PKNOX2: variants seen among roughly 807,000 people sequenced by gnomAD.
The protein encoded by PKNOX2 is homeobox protein PKNOX2.
A neutral mutation model predicts 53.1 loss-of-function variants in PKNOX2; 14 were observed. The ratio of observed to expected loss-of-function variants is 0.26; its 90% CI spans 0.17 to 0.41. The LOEUF is 0.41. Ranked by LOEUF, PKNOX2 falls within the 10% of genes least tolerant of loss-of-function variation. PKNOX2 has a pLI of 1.00. For missense variants in PKNOX2, 496 were observed against 602.8 expected (o/e 0.82, Z 1.85); for synonymous variants, 257 against 242.8 (o/e 1.06, Z -0.54).
intron 6 of PKNOX2, among the ~76,000 whole-genome samples, chr11:125,389,708 C>A (rs1735084262): frequency 6.6e-6 from 1 of 152,172 alleles, no homozygotes; most frequent in Admixed American, 6.5e-5. Flanking sequence ...TTTACGGGCC[C>A]CCGGTGCAGG....
At chr11:125,419,463 AAAAC>A (rs1368691499) in intron 10 of PKNOX2, among the ~76,000 whole-genome samples, 1 of 151,744 alleles carries the variant, frequency 6.6e-6, no homozygotes, top group East Asian at 1.9e-4. Context: ...AAAAAAAAAA[AAAAC>A]AAGAAAATGG....
intron 10 of PKNOX2, among the ~76,000 whole-genome samples, chr11:125,415,843 G>C (rs544125860): frequency 4.6e-5 from 7 of 152,252 alleles, no homozygotes; most frequent in Non-Finnish European, 2.9e-5. Context: ...GTTTAAAAAA[G>C]AAACAACCAT....
chr11:125,394,965 T>G (rs753517940), intron 6 of PKNOX2, among the ~76,000 whole-genome samples: 5 of 151,930 alleles, frequency 3.3e-5, no homozygotes, highest in Non-Finnish European at 7.4e-5. Context: ...CCCTCGTGTG[T>G]GTGTGTGTGT....
intron 3 of PKNOX2, among the ~76,000 whole-genome samples, chr11:125,337,740 C>T (rs1950499864): frequency 7.0e-6 from 1 of 141,878 alleles, no homozygotes; most frequent in African/African-American, 3.1e-5. Context: ...CGTCTGTTTT[C>T]TCCTTCTGGG....
chr11:125,424,507 G>T (rs186830481), intron 10 of PKNOX2, among the ~76,000 whole-genome samples: 2 of 152,270 alleles, frequency 1.3e-5, no homozygotes, highest in Admixed American at 6.5e-5. Flanking sequence ...ACCCCAGAGT[G>T]GTGGCTGGCA....
At chr11:125,367,051 TAG>T (rs1952226469) in intron 4 of PKNOX2, among the ~76,000 whole-genome samples, 1 of 152,166 alleles carries the variant, frequency 6.6e-6, no homozygotes, top group African/African-American at 2.4e-5. Context: ...TTCACACTTT[TAG>T]AGATTTCTTT....
At chr11:125,303,951 G>A (rs761212570) in intron 2 of PKNOX2, among the ~76,000 whole-genome samples, 4 of 152,212 alleles carry the variant, frequency 2.6e-5, no homozygotes, top group Non-Finnish European at 5.9e-5. Flanking sequence ...TAGATGCATG[G>A]CCGGCCTGAG....
At chr11:125,397,000 C>T (rs932292104) in intron 6 of PKNOX2, among the ~76,000 whole-genome samples, 3 of 152,106 alleles carry the variant, frequency 2.0e-5, no homozygotes, top group South Asian at 2.1e-4. Context: ...TTCTTTAAGG[C>T]GATTGGATCG....
chr11:125,376,201 G>C (rs1565510300), intron 5 of PKNOX2, among the ~76,000 whole-genome samples: 1 of 152,206 alleles, frequency 6.6e-6, no homozygotes, highest in African/African-American at 2.4e-5. Context: ...GGGGAGGAGA[G>C]CTGGGCTGGA....
intron 4 of PKNOX2, among the ~76,000 whole-genome samples, chr11:125,355,982 C>A (rs1464970019): frequency 6.6e-6 from 1 of 151,732 alleles, no homozygotes; most frequent in East Asian, 1.9e-4. Context: ...AAGGCAACCA[C>A]TTCACTCCCC....
chr11:125,316,300 T>A (rs1949188814), intron 2 of PKNOX2, among the ~76,000 whole-genome samples: 1 of 152,302 alleles, frequency 6.6e-6, no homozygotes, highest in South Asian at 2.1e-4. Context: ...CTGTGTGAAC[T>A]CTCTTATGTG....
At chr11:125,397,619 C>T (rs1954488840) in intron 6 of PKNOX2, among the ~76,000 whole-genome samples, 1 of 152,206 alleles carries the variant, frequency 6.6e-6, no homozygotes, top group Non-Finnish European at 1.5e-5. Flanking sequence ...CCACAACTGC[C>T]TCAAGAACAG....
intron 5 of PKNOX2, among the ~76,000 whole-genome samples, chr11:125,378,471 C>G (rs985213826): frequency 6.6e-6 from 1 of 152,220 alleles, no homozygotes; most frequent in Non-Finnish European, 1.5e-5. Context: ...CTCCCCTGTC[C>G]CCATTGGAAG....
chr11:125,342,379 C>T (rs761725518), intron 3 of PKNOX2, among the ~76,000 whole-genome samples: 10 of 152,128 alleles, frequency 6.6e-5, no homozygotes, highest in African/African-American at 7.2e-5. Context: ...GCCCCTGCTC[C>T]GGCCACCCTA....
At chr11:125,232,136 G>C (rs1942260785) in intron 1 of PKNOX2, among the ~76,000 whole-genome samples, 1 of 152,192 alleles carries the variant, frequency 6.6e-6, no homozygotes, top group Non-Finnish European at 1.5e-5. Flanking sequence ...ATCCTCTAGA[G>C]CAACACAGTC....
intron 2 of PKNOX2, among the ~76,000 whole-genome samples, chr11:125,295,662 G>A (rs945496460): frequency 6.6e-6 from 1 of 152,154 alleles, no homozygotes; most frequent in Non-Finnish European, 1.5e-5. Flanking sequence ...GTGTTCTTCA[G>A]TGAAAGGACA....
chr11:125,287,733 C>T (rs1445437953), intron 2 of PKNOX2: 9 of 152,306 alleles, frequency 5.9e-5, no homozygotes, highest in Admixed American at 1.3e-4. Flanking sequence ...CAGGTCTCCT[C>T]GGCAGCTGCT....
intron 12 of PKNOX2, among the ~76,000 whole-genome samples, chr11:125,430,758 G>A (rs1357812531): frequency 2.0e-5 from 3 of 149,518 alleles, no homozygotes. Context: ...GTTATGATGG[G>A]AAAAAAAAAA....
At chr11:125,369,839 G>A (rs926459860) in intron 5 of PKNOX2, among the ~76,000 whole-genome samples, 4 of 152,170 alleles carry the variant, frequency 2.6e-5, no homozygotes, top group Non-Finnish European at 4.4e-5. Context: ...AAAACTGCCC[G>A]ACAGCCTGAT....
Sources: allele counts gnomAD v4.1 joint callset (sites outside exome capture counted in the v4.1 genomes callset), GRCh38; gene constraint gnomAD v4.1.1; transcripts MANE v1.5; gene names NCBI Gene and HGNC (gene_info 2026-07-23, HGNC 2026-07-21).